The following HIP1 variants were observed in gnomAD, a reference collection of about 807,000 sequenced individuals.
HIP1 encodes the protein huntingtin interacting protein 1.
Under a neutral mutation model 147.6 loss-of-function variants are expected in HIP1, and 65 were observed. The ratio of observed to expected loss-of-function variants is 0.44; its 90% CI spans 0.36 to 0.54. The LOEUF is 0.54. Among genes scored for constraint, HIP1 ranks in the 20% least tolerant of loss-of-function variants. The probability of loss-of-function intolerance (pLI) is 0.00; values close to 1 mark genes in which losing one functional copy is unlikely to be tolerated. For missense variants in HIP1, 1,061 were observed against 1,299.6 expected (o/e 0.82, Z 2.82); for synonymous variants, 479 against 504.0 (o/e 0.95, Z 0.67).
chr7:75,573,943 G>A, intron 7 of HIP1, 42 bp from the exon 8 acceptor site: 1 of 1,582,628 alleles, frequency 6.3e-7, no homozygotes, highest in Non-Finnish European at 8.6e-7. Context: ...AGAGCCAGGG[G>A]ATTACAGGCA....
intron 1 of HIP1, among the ~76,000 whole-genome samples, chr7:75,659,542 G>A (rs1051326157): frequency 1.3e-5 from 2 of 152,034 alleles, no homozygotes; most frequent in Non-Finnish European, 1.5e-5. Flanking sequence ...CCAGCTACTC[G>A]GGAGGCTGAG....
intron 1 of HIP1, among the ~76,000 whole-genome samples, chr7:75,643,593 A>G (rs1798714663): frequency 6.6e-6 from 1 of 152,212 alleles, no homozygotes; most frequent in African/African-American, 2.4e-5. Context: ...GGGCAGTGGG[A>G]TGGGAAGGGT....
At chr7:75,735,734 A>C (rs546962963) in intron 1 of HIP1, among the ~76,000 whole-genome samples, 16 of 150,632 alleles carry the variant, frequency 1.1e-4, no homozygotes, top group African/African-American at 3.9e-4. Flanking sequence ...TCTGTTGCCC[A>C]GGCCGGAATG....
intron 1 of HIP1, among the ~76,000 whole-genome samples, chr7:75,669,359 C>A (rs147752798): frequency 6.6e-6 from 1 of 151,696 alleles, no homozygotes; most frequent in African/African-American, 2.4e-5. Context: ...GGCGACAGAG[C>A]GAGACTCCAT....
rs34220339 is a variant in HIP1, at chr7:75,652,314, C to CAA, written c.121-53069_121-53068dup. 2.9e-3 allele frequency among the ~76,000 whole-genome samples: 309 copies of CAA among 105,398 alleles called. 2 individuals carry two copies. The highest frequency in any genetic ancestry group is 0.028 in the South Asian group (89 of 3,182). 69.1% of individuals were successfully genotyped at this position (105,398 alleles called of 152,430 possible). On this transcript the variant is annotated intron_variant, in intron 1 of 30. Transcript: ENST00000336926. ...CCTGGGTGACAGAGCGAGACTGTCT[C>CAA]AAAAAAAAAAAAAAAACCACTATAT...
intron 1 of HIP1, among the ~76,000 whole-genome samples, chr7:75,737,762 C>A (rs1802071841): frequency 6.6e-6 from 1 of 151,246 alleles, no homozygotes; most frequent in Non-Finnish European, 1.5e-5. Context: ...GGAAGTATTC[C>A]TCGCATAACA....
chr7:75,581,231 A>G lies in HIP1; in HGVS notation c.604+6T>C. 1 of 1,605,740 alleles carries G rather than the reference A, an allele frequency of 6.2e-7. No homozygotes were observed. Among genetic ancestry groups the G allele is most frequent in the Non-Finnish European group, 8.5e-7 (1 of 1,174,258 alleles). ...GCCTGGGTTAGACGGGAGGGAAGAG[A>G]CTCACCTGTTTGGAAGAGGTTGAGT... On this transcript the variant is annotated splice_donor_region_variant and intron_variant, in intron 7 of 30. Coordinates refer to ENST00000336926, the MANE Select transcript of HIP1 (RefSeq NM_005338.7).
At chr7:75,676,795 C>G (rs1183992455) in intron 1 of HIP1, among the ~76,000 whole-genome samples, 2 of 147,374 alleles carry the variant, frequency 1.4e-5, no homozygotes, top group African/African-American at 5.0e-5. Context: ...AAAAAAAAAG[C>G]CCCCCATGGA....
At chr7:75,682,262 CA>C (rs200390266) in intron 1 of HIP1, among the ~76,000 whole-genome samples, 2,854 of 149,052 alleles carry the variant, frequency 0.019, 109 homozygotes, top group African/African-American at 0.067. Flanking sequence ...AGCCTATCAT[CA>C]TTTTTTTTTA....
intron 4 of HIP1, among the ~76,000 whole-genome samples, chr7:75,589,593 G>A (rs587624475): frequency 7.3e-6 from 1 of 136,438 alleles, no homozygotes; most frequent in East Asian, 2.5e-4. Flanking sequence ...TGAGGCAGGA[G>A]AATCGCTTCA....
intron 1 of HIP1, among the ~76,000 whole-genome samples, chr7:75,668,836 T>C (rs1226037882): frequency 1.3e-5 from 2 of 152,204 alleles, no homozygotes; most frequent in Non-Finnish European, 1.5e-5. Flanking sequence ...TTCACCATTT[T>C]TAAAAAGGGT....
chr7:75,662,066 A>G (rs1275050938), intron 1 of HIP1, among the ~76,000 whole-genome samples: 4 of 92,820 alleles, frequency 4.3e-5, no homozygotes, highest in Admixed American at 4.1e-4. Context: ...GTGAGCCACA[A>G]GGGGTGAAGG....
intron 7 of HIP1, among the ~76,000 whole-genome samples, chr7:75,574,980 A>G (rs1354576227): frequency 6.6e-6 from 1 of 150,892 alleles, no homozygotes. Flanking sequence ...CAACATGGCA[A>G]AACCTTATCT....
chr7:75,536,918 G>C lies in HIP1; in HGVS notation c.*1254C>G, dbSNP rs370206763. 8 of 231,340 alleles carry C rather than the reference G, an allele frequency of 3.5e-5. No homozygotes were observed. The highest frequency in any genetic ancestry group is 1.3e-4 in the African/African-American group (6 of 45,358). The allele number at this position is 231,340 out of a possible 1,614,324, so 14.3% of individuals were successfully genotyped here. A position where few individuals can be genotyped will look rare whatever the true frequency, so the allele number is the denominator to read the frequency against. On this transcript the variant is annotated 3_prime_UTR_variant, in exon 31 of 31. Coordinates refer to ENST00000336926, the MANE Select transcript of HIP1 (RefSeq NM_005338.7). ...ATAAATACTAAGGGTAGCAAACCAA[G>C]TATAGGGTTCTTCCCTGATGGGAGC... is the stretch of plus-strand genomic sequence containing the variant.
chr7:75,565,298 G>C (rs1795363357), intron 9 of HIP1, among the ~76,000 whole-genome samples: 1 of 152,134 alleles, frequency 6.6e-6, no homozygotes, highest in African/African-American at 2.4e-5. Flanking sequence ...TTCTAAGCTA[G>C]AAGCAAATGA....
intron 8 of HIP1, 83 bp downstream of exon 8, chr7:75,573,678 G>A: frequency 1.4e-6 from 2 of 1,400,142 alleles, no homozygotes. Flanking sequence ...GAGAAGGACT[G>A]CGTTTCTCTG....
At chr7:75,711,595 G>A (rs782415756) in intron 1 of HIP1, among the ~76,000 whole-genome samples, 12 of 152,202 alleles carry the variant, frequency 7.9e-5, no homozygotes, top group South Asian at 6.2e-4. Flanking sequence ...GATCAAAAAC[G>A]CCATCCTAAA....
intron 7 of HIP1, among the ~76,000 whole-genome samples, chr7:75,574,121 C>T (rs1554497202): frequency 6.6e-6 from 1 of 152,156 alleles, no homozygotes; most frequent in Non-Finnish European, 1.5e-5. Flanking sequence ...TGAAGGCTCT[C>T]ACAAAGTCAG....
At chr7:75,721,614 A>C (rs1801505920) in intron 1 of HIP1, among the ~76,000 whole-genome samples, 1 of 152,018 alleles carries the variant, frequency 6.6e-6, no homozygotes. Flanking sequence ...ATCCAAAGAC[A>C]CTCCCAAAGT....
Sources: gnomAD v4.1 joint callset for allele counts (sites outside exome capture counted in the v4.1 genomes callset) on GRCh38, gnomAD v4.1.1 for gene constraint, MANE v1.5 for transcripts, NCBI Gene and HGNC (gene_info 2026-07-23, HGNC 2026-07-21) for gene names.